IGSF5: variants seen among roughly 807,000 people sequenced by gnomAD.
The protein encoded by IGSF5 is immunoglobulin superfamily member 5, also known as immunoglobulin superfamily 5 like.
A neutral mutation model predicts 39.4 loss-of-function variants in IGSF5; 41 were observed. That is an observed-to-expected ratio of 1.04 (90% CI 0.81 to 1.35). The LOEUF is 1.35. IGSF5 is among the 40% of genes most tolerant of loss of function. The probability of loss-of-function intolerance (pLI) is 0.00; values close to 1 mark genes in which losing one functional copy is unlikely to be tolerated. For missense variants in IGSF5, 487 were observed against 494.6 expected (o/e 0.98, Z 0.15); for synonymous variants, 183 against 175.3 (o/e 1.04, Z -0.34).
intron 5 of IGSF5, among the ~76,000 whole-genome samples, chr21:39,786,671 T>C (rs1342223703): frequency 2.6e-5 from 4 of 151,882 alleles, no homozygotes; most frequent in African/African-American, 9.7e-5. Context: ...ATGTTTATTG[T>C]GGCATTATTC....
At chr21:39,744,125 C>T (rs2079960372), upstream of IGSF5, among the ~76,000 whole-genome samples, 1 of 152,120 alleles carries the variant, frequency 6.6e-6, no homozygotes, top group Admixed American at 6.5e-5. Context: ...GTTACACTCA[C>T]CGATGTAGCA....
the IGSF5 span, among the ~76,000 whole-genome samples, chr21:39,724,536 A>G: frequency 6.6e-6 from 1 of 152,192 alleles, no homozygotes; most frequent in Non-Finnish European, 1.5e-5. Flanking sequence ...GTTCCCCTGC[A>G]CAAGCTCTCT....
chr21:39,793,385 C>A, intron 7 of IGSF5, 149 bp from the exon 8 acceptor site: 1 of 565,186 alleles, frequency 1.8e-6, no homozygotes, highest in South Asian at 2.6e-5. Flanking sequence ...GATGGGATCT[C>A]AAGGGAATTT....
the IGSF5 span, among the ~76,000 whole-genome samples, chr21:39,740,033 G>A: frequency 8.5e-5 from 13 of 152,294 alleles, no homozygotes; most frequent in African/African-American, 3.1e-4. Flanking sequence ...GTTTTGGTGA[G>A]TGGTTTTAAG....
chr21:39,739,013 T>C, the IGSF5 span, among the ~76,000 whole-genome samples: 56,058 of 151,758 alleles, frequency 0.37, 11,015 homozygotes, highest in East Asian at 0.55. Flanking sequence ...CTCAGCCTCC[T>C]GAGTAGCTGT....
At chr21:39,728,225 A>G in the IGSF5 span, among the ~76,000 whole-genome samples, 1 of 152,142 alleles carries the variant, frequency 6.6e-6, no homozygotes, top group African/African-American at 2.4e-5. Flanking sequence ...ATTTGCAAAT[A>G]GGGTCTCTGC....
chr21:39,773,946 T>G (rs1387237352), intron 4 of IGSF5, among the ~76,000 whole-genome samples: 3 of 152,116 alleles, frequency 2.0e-5, no homozygotes, highest in Non-Finnish European at 4.4e-5. Flanking sequence ...ATGTTTTCTT[T>G]TGTAGTGGAA....
At chr21:39,788,667 A>G (rs949460345) in intron 6 of IGSF5, among the ~76,000 whole-genome samples, 7 of 152,174 alleles carry the variant, frequency 4.6e-5, no homozygotes, top group African/African-American at 1.4e-4. Context: ...AGCCGTGGGG[A>G]GCGGACAGGA....
intron 3 of IGSF5, among the ~76,000 whole-genome samples, chr21:39,769,690 T>C (rs538873639): frequency 2.1e-4 from 32 of 152,292 alleles, no homozygotes; most frequent in African/African-American, 7.7e-4. Context: ...GAGATTTATA[T>C]AAGTATAAAA....
chr21:39,738,194 G>A, the IGSF5 span, among the ~76,000 whole-genome samples: 1 of 152,064 alleles, frequency 6.6e-6, no homozygotes, highest in Non-Finnish European at 1.5e-5. This position sits in a 1 kb window ranked among gnomAD's most constrained non-coding sequence, Gnocchi z 6.4. Flanking sequence ...CAGTTCCAGG[G>A]GGCTGGGGAG....
intron 5 of IGSF5, among the ~76,000 whole-genome samples, chr21:39,786,239 A>G (rs951132865): frequency 5.3e-5 from 8 of 152,120 alleles, no homozygotes; most frequent in African/African-American, 1.4e-4. Context: ...AGAATCTACA[A>G]TGAACTCAAA....
chr21:39,784,295 T>G (rs1208054250), intron 5 of IGSF5, among the ~76,000 whole-genome samples: 1 of 152,178 alleles, frequency 6.6e-6, no homozygotes, highest in African/African-American at 2.4e-5. Flanking sequence ...TTCAGTACCT[T>G]CAGAACATTA....
the IGSF5 span, among the ~76,000 whole-genome samples, chr21:39,712,396 G>A: frequency 7.2e-5 from 11 of 152,044 alleles, no homozygotes; most frequent in East Asian, 1.9e-4. Context: ...GTAAACCCTC[G>A]GATAGTGATG....
In IGSF5 at chr21:39,745,546, C is replaced by T. The variant is rs754753573; in HGVS notation, c.17+20C>T. The T allele has an allele frequency of 3.1e-5, 22 of 716,636 alleles. No individual in the cohort carries two copies. The highest frequency in any genetic ancestry group is 3.0e-4 in the East Asian group (11 of 37,276). The allele number at this position is 716,636 out of a possible 1,614,324, so 44.4% of individuals were successfully genotyped here. ...GGAAAGGTAAGGGCGCATGCGTGGG[C>T]GACTGTTGAGTAGAGACTTCTGGCT... On this transcript the variant is annotated intron_variant, in intron 1 of 8. Transcript: ENST00000380588.
chr21:39,758,575 G>T (rs1208123559), intron 2 of IGSF5, among the ~76,000 whole-genome samples: 3 of 152,176 alleles, frequency 2.0e-5, no homozygotes, highest in African/African-American at 4.8e-5. Context: ...CAGGGTAAGG[G>T]TTCTGTTGTG....
the IGSF5 span, among the ~76,000 whole-genome samples, chr21:39,721,181 G>T: frequency 6.6e-6 from 1 of 152,202 alleles, no homozygotes; most frequent in African/African-American, 2.4e-5. Flanking sequence ...TGAAGTCAAT[G>T]TTAAAGACAA....
At chr21:39,733,182 G>A in the IGSF5 span, among the ~76,000 whole-genome samples, 1,540 of 152,086 alleles carry the variant, frequency 0.01, 41 homozygotes, top group Admixed American at 0.065. Context: ...TTGAAAAATG[G>A]CAAACGACAT....
At chr21:39,751,553 G>A (rs2080005671) in intron 2 of IGSF5, among the ~76,000 whole-genome samples, 1 of 150,436 alleles carries the variant, frequency 6.6e-6, no homozygotes. Flanking sequence ...TACTCAGTGA[G>A]TGTCGCTTTC....
At chr21:39,715,482 A>C in the IGSF5 span, among the ~76,000 whole-genome samples, 1 of 152,138 alleles carries the variant, frequency 6.6e-6, no homozygotes, top group South Asian at 2.1e-4. Flanking sequence ...TTTTGTTTTC[A>C]TCTGAGCCAT....
Sources: gnomAD v4.1 joint callset for allele counts (sites outside exome capture counted in the v4.1 genomes callset) on GRCh38, gnomAD v4.1.1 for gene constraint, Gnocchi (gnomAD v3.1) non-coding constraint, MANE v1.5 for transcripts, NCBI Gene and HGNC (gene_info 2026-07-23, HGNC 2026-07-21) for gene names.